Variants in HBS1L observed in about 807,000 individuals in gnomAD.
HBS1L encodes the protein HBS1-like protein.
HBS1L carries 55 observed loss-of-function variants against 88.9 expected under a neutral mutation model. That is an observed-to-expected ratio of 0.62 (90% CI 0.50 to 0.77). The LOEUF (loss-of-function observed/expected upper bound fraction) is 0.77, where lower values mean the gene tolerates loss of function less well. HBS1L is among the 30% of genes least tolerant of loss of function. The pLI is 0.00. For missense variants in HBS1L, 741 were observed against 829.3 expected (o/e 0.89, Z 1.31); for synonymous variants, 267 against 288.5 (o/e 0.93, Z 0.76).
chr6:134,972,816 T>A (rs933024262), intron 15 of HBS1L, among the ~76,000 whole-genome samples: 1 of 152,230 alleles, frequency 6.6e-6, no homozygotes, highest in African/African-American at 2.4e-5. Flanking sequence ...CATGAAAAGA[T>A]GTTCAGCATC....
chr6:134,994,445 T>A (rs759756981), intron 7 of HBS1L, among the ~76,000 whole-genome samples: 1 of 152,144 alleles, frequency 6.6e-6, no homozygotes, highest in Non-Finnish European at 1.5e-5. Flanking sequence ...GAGACCAACA[T>A]AGTGCCTTTT....
intron 7 of HBS1L, among the ~76,000 whole-genome samples, chr6:134,996,258 T>C (rs745986976): frequency 2.6e-5 from 4 of 152,214 alleles, no homozygotes; most frequent in Non-Finnish European, 4.4e-5. Flanking sequence ...GACTGCATTA[T>C]AGCTACAGAA....
intron 5 of HBS1L, among the ~76,000 whole-genome samples, chr6:135,002,315 T>G (rs935988917): frequency 6.6e-6 from 1 of 152,186 alleles, no homozygotes; most frequent in South Asian, 2.1e-4. Flanking sequence ...TTATTCAATA[T>G]GAAAATCCAA....
Position 135,036,540 on chromosome 6 carries a change from C to A in HBS1L, c.430+3033G>T. 2.8e-6 allele frequency: 4 copies of A among 1,444,000 alleles called. No individual in the cohort carries two copies. The Admixed American group carries it at 1.2e-4, about 44-fold the overall frequency. 89.4% of individuals were successfully genotyped at this position (1,444,000 alleles called of 1,614,324 possible). On this transcript the variant is annotated intron_variant, in intron 4 of 17. Coordinates refer to ENST00000367837, the MANE Select transcript of HBS1L (RefSeq NM_006620.4). ...AAATAAAAAGCTCTACAACAGCAAT[C>A]AAGTTTTCCTTTTGTTACTATTCTC...
chr6:134,967,028 T>C (rs963216731), intron 16 of HBS1L, among the ~76,000 whole-genome samples: 5 of 152,316 alleles, frequency 3.3e-5, no homozygotes, highest in African/African-American at 9.6e-5. Flanking sequence ...GGAATAATAG[T>C]TCCTTAGCAG....
At chr6:134,978,838 T>A in intron 14 of HBS1L, 51 bp from the exon 15 acceptor site, 1 of 1,094,556 alleles carries the variant, frequency 9.1e-7, no homozygotes, top group Non-Finnish European at 1.4e-6. Flanking sequence ...CAAATTTACA[T>A]CAAATAGAAA....
At chr6:135,023,166 C>T (rs757469057) in intron 4 of HBS1L, among the ~76,000 whole-genome samples, 3 of 151,866 alleles carry the variant, frequency 2.0e-5, no homozygotes, top group African/African-American at 4.8e-5. Context: ...CAAAAGTGGC[C>T]GGGCACACTG....
At chr6:134,982,294 T>C in intron 13 of HBS1L, 164 bp downstream of exon 13, 1 of 579,804 alleles carries the variant, frequency 1.7e-6, no homozygotes, top group Non-Finnish European at 3.1e-6. Context: ...AAAAAATCGT[T>C]TAATGTTTTC....
chr6:135,012,477 G>T lies in HBS1L; in HGVS notation c.431-9635C>A, dbSNP rs547270879. Among the ~76,000 whole-genome samples the T allele has an allele frequency of 3.3e-5, 5 of 152,274 alleles. No individual in the cohort carries two copies. In the East Asian group the frequency reaches 9.6e-4, roughly 29 times the overall value. On this transcript the variant is annotated intron_variant, in intron 4 of 17. Coordinates refer to ENST00000367837, the MANE Select transcript of HBS1L (RefSeq NM_006620.4). ...TTTATAATAAAAATGACTTGTGCCT[G>T]TAGTATCTGATATGGTGTCTCTGCT... is the stretch of plus-strand genomic sequence containing the variant.
intron 8 of HBS1L, 79 bp downstream of exon 8, chr6:134,993,679 C>T: frequency 3.6e-6 from 2 of 558,422 alleles, no homozygotes; most frequent in Non-Finnish European, 3.1e-6. Flanking sequence ...AAGTCAAAAT[C>T]CTAGAATTGT....
rs770809733 is a variant in HBS1L at position 134,985,432 on chromosome 6, G to A, written c.1424-23C>T. 4.6e-6 allele frequency: 7 copies of A among 1,505,760 alleles called. No individual in the cohort carries two copies. In the African/African-American group the frequency reaches 8.4e-5, roughly 18 times the overall value. 93.3% of individuals were successfully genotyped at this position (1,505,760 alleles called of 1,614,324 possible). A position where few individuals can be genotyped will look rare whatever the true frequency, so the allele number is the denominator to read the frequency against. On this transcript the variant is annotated intron_variant, in intron 11 of 17. Coordinates refer to ENST00000367837, the MANE Select transcript of HBS1L (RefSeq NM_006620.4). ...AATCTGGAAAAAAGAAATTGCAAAA[G>A]GCAAGGTTTAATTTAAAATTAAATT...
intron 4 of HBS1L, among the ~76,000 whole-genome samples, chr6:135,010,153 C>T (rs1034783638): frequency 2.0e-5 from 3 of 152,072 alleles, no homozygotes; most frequent in Non-Finnish European, 4.4e-5. Flanking sequence ...CTATAGATAT[C>T]TTCTATACAC....
At chr6:134,989,135 TG>T (rs1268073615) in intron 8 of HBS1L, among the ~76,000 whole-genome samples, 1 of 152,258 alleles carries the variant, frequency 6.6e-6, no homozygotes, top group Non-Finnish European at 1.5e-5. Flanking sequence ...TGATGCCACT[TG>T]CGTCATGTGG....
Position 135,009,385 on chromosome 6 carries a change from G to A in HBS1L, c.431-6543C>T, listed in dbSNP as rs149302158. ...ATATGTACCTGAGTAATTCTAGAAG[G>A]CTTAACAAATGAAATGAGATTTGAT... is the stretch of plus-strand genomic sequence containing the variant. On this transcript the variant is annotated intron_variant, in intron 4 of 17. Transcript: ENST00000367837. Among the ~76,000 whole-genome samples the A allele has an allele frequency of 1.2e-3, 185 of 152,138 alleles. 1 individual carries two copies. Among genetic ancestry groups the A allele is most frequent in the African/African-American group, 4.4e-3 (182 of 41,518 alleles).
At chr6:135,021,036 A>G (rs964114849) in intron 4 of HBS1L, among the ~76,000 whole-genome samples, 3 of 152,064 alleles carry the variant, frequency 2.0e-5, no homozygotes, top group Admixed American at 1.3e-4. Flanking sequence ...TATTAGAAAC[A>G]TATTGCTGTG....
chr6:135,047,294 G>A (rs1776942341), intron 2 of HBS1L, among the ~76,000 whole-genome samples: 1 of 152,136 alleles, frequency 6.6e-6, no homozygotes, highest in Admixed American at 6.5e-5. Flanking sequence ...ATAAATGACT[G>A]GGTTAACCTG....
chr6:135,004,615 G>T (rs962048483), intron 4 of HBS1L, among the ~76,000 whole-genome samples: 1 of 152,018 alleles, frequency 6.6e-6, no homozygotes, highest in South Asian at 2.1e-4. Context: ...AACGGAGGCG[G>T]AAGTTACCAA....
chr6:135,022,816 G>A (rs915898079), intron 4 of HBS1L, among the ~76,000 whole-genome samples: 2 of 151,610 alleles, frequency 1.3e-5, no homozygotes, highest in African/African-American at 4.8e-5. Context: ...AGATTTAGTA[G>A]TATTCATAAT....
In HBS1L at chr6:134,992,452, G is replaced by C. The variant is rs538666574; in HGVS notation, c.1083+1306C>G. ...CTACTGCGCTGCCAATTGTATAAAA[G>C]AATATAGCATATGCAATTATGTATA... is the stretch of plus-strand genomic sequence containing the variant. On this transcript the variant is annotated intron_variant, in intron 8 of 17. Coordinates refer to ENST00000367837, the MANE Select transcript of HBS1L (RefSeq NM_006620.4). Among the ~76,000 whole-genome samples, 15 of 152,192 alleles carry C rather than the reference G, an allele frequency of 9.9e-5. No individual in the cohort carries two copies. In the South Asian group the frequency reaches 1.7e-3, roughly 17 times the overall value.
Sources: gnomAD v4.1 joint callset for allele counts (sites outside exome capture counted in the v4.1 genomes callset) on GRCh38, gnomAD v4.1.1 for gene constraint, MANE v1.5 for transcripts, NCBI Gene and HGNC (gene_info 2026-07-23, HGNC 2026-07-21) for gene names.